The following TPST1 variants were observed in gnomAD, a reference collection of about 807,000 sequenced individuals.
TPST1 encodes tyrosylprotein sulfotransferase 1.
A neutral mutation model predicts 34.8 loss-of-function variants in TPST1; 20 were observed. That is an observed-to-expected ratio of 0.57 (90% CI 0.40 to 0.84). The LOEUF is 0.84. Ranked by LOEUF, TPST1 falls within the 40% of genes least tolerant of loss-of-function variation. The pLI is 0.00. For missense variants in TPST1, 353 were observed against 455.5 expected, an observed-to-expected ratio of 0.78 and a Z score of 2.05; for synonymous variants, 152 against 159.4, an observed-to-expected ratio of 0.95 and a Z score of 0.35.
rs144111081 is a variant in TPST1 at position 66,320,690 on chromosome 7, C to T, written c.1045-31815C>T. ...CTCGTCTCACCACAACCTCCGCCTC[C>T]CAGGTTCAAGCGATTCTCCTGCCTC... On this transcript the variant is annotated intron_variant, in intron 3 of 5. Coordinates refer to ENST00000304842, the MANE Select transcript of TPST1 (RefSeq NM_003596.4). 7.6e-3 allele frequency among the ~76,000 whole-genome samples: 1,150 copies of T among 151,990 alleles called. 18 individuals carry two copies. The highest frequency in any genetic ancestry group is 0.026 in the African/African-American group (1,082 of 41,472).
chr7:66,263,483 G>A (rs543555717), intron 2 of TPST1, among the ~76,000 whole-genome samples: 1 of 152,088 alleles, frequency 6.6e-6, no homozygotes, highest in African/African-American at 2.4e-5. Context: ...GTATGTAGAG[G>A]CTGACAAAAA....
At chr7:66,265,286 A>G (rs1047410643) in intron 2 of TPST1, among the ~76,000 whole-genome samples, 2 of 152,226 alleles carry the variant, frequency 1.3e-5, no homozygotes, top group Non-Finnish European at 2.9e-5. Flanking sequence ...GCAGTGGCTC[A>G]TGCCTGTAAT....
chr7:66,230,191 C>A (rs1413468426), intron 1 of TPST1, among the ~76,000 whole-genome samples: 8 of 152,102 alleles, frequency 5.3e-5, no homozygotes, highest in African/African-American at 1.7e-4. Context: ...CTGTCTCAAA[C>A]AAACAAACAA....
At chr7:66,229,960 G>A (rs1391280749) in intron 1 of TPST1, among the ~76,000 whole-genome samples, 3 of 152,036 alleles carry the variant, frequency 2.0e-5, no homozygotes, top group Non-Finnish European at 2.9e-5. Flanking sequence ...AGGCCGAGGC[G>A]GGCGGATCAT....
intron 2 of TPST1, among the ~76,000 whole-genome samples, chr7:66,252,051 C>T (rs1241590365): frequency 1.3e-5 from 2 of 152,002 alleles, no homozygotes; most frequent in African/African-American, 4.8e-5. Flanking sequence ...ATGCATATTC[C>T]ACTTGTTTTT....
chr7:66,254,357 CT>C (rs1382272391), intron 2 of TPST1, among the ~76,000 whole-genome samples: 5 of 151,916 alleles, frequency 3.3e-5, no homozygotes, highest in African/African-American at 1.2e-4. Context: ...TCAGTACCTT[CT>C]TTTCATTGGT....
intron 1 of TPST1, among the ~76,000 whole-genome samples, chr7:66,230,433 G>A (rs1789757203): frequency 6.6e-6 from 1 of 152,216 alleles, no homozygotes; most frequent in African/African-American, 2.4e-5. Flanking sequence ...TGCGTCTGGA[G>A]TTTGTTCCTT....
chr7:66,332,166 A>G lies in TPST1; in HGVS notation c.1045-20339A>G, dbSNP rs1389377079. Among the ~76,000 whole-genome samples, 1 of 29,176 alleles carries G rather than the reference A, an allele frequency of 3.4e-5. No homozygotes were observed. Among genetic ancestry groups the G allele is most frequent in the African/African-American group, 2.1e-4 (1 of 4,808 alleles). The allele number at this position is 29,176 out of a possible 152,430, so 19.1% of individuals were successfully genotyped here. ...CCATGGAAAGATTGTTTTTCACAAAACCGGCCCAAAGTTGGGGACTACTGC... is the reference window on the plus strand; with the variant it reads ...CCATGGAAAGATTGTTTTTCACAAAGCCGGCCCAAAGTTGGGGACTACTGC... On this transcript the variant is annotated intron_variant, in intron 3 of 5. Transcript: ENST00000304842. The surrounding 1 kb of genome is among the most constrained non-coding windows in gnomAD (Gnocchi z 4.5).
At chr7:66,298,892 GGC>G (rs1265123363) in intron 3 of TPST1, among the ~76,000 whole-genome samples, 2 of 152,088 alleles carry the variant, frequency 1.3e-5, no homozygotes, top group East Asian at 1.9e-4. Flanking sequence ...GGGAGGCTGA[GGC>G]AGGTGGATCA....
chr7:66,286,680 G>A lies in TPST1; in HGVS notation c.1015G>A (p.Asp339Asn), dbSNP rs1353727237. 1.3e-6 allele frequency: 2 copies of A among 1,582,212 alleles called. No homozygotes were observed. The highest frequency in any genetic ancestry group is 8.6e-7 in the Non-Finnish European group (1 of 1,162,644). The change falls in exon 3 of 6, where the codon GAT becomes AAT. Residue 339 changes from aspartate (D) to asparagine (N), a missense_variant. By Grantham distance (23) the Asp-to-Asn change is conservative (BLOSUM62 1). Transcript: ENST00000304842. Reference sequence around the variant, plus strand: ...CAACCCACCTAACTACGGAAAACCTGATCCCAAAATTATTGAAAACACTCG... The same window carrying A: ...CAACCCACCTAACTACGGAAAACCTAATCCCAAAATTATTGAAAACACTCG... The part of the protein sequence containing the change: ...YANPPNYGKP[D>N]PKIIENTRRV...
intron 3 of TPST1, among the ~76,000 whole-genome samples, chr7:66,328,886 C>CTCTATATA (rs757168858): frequency 1.4e-3 from 32 of 22,092 alleles, no homozygotes; most frequent in African/African-American, 2.6e-3. Context: ...CTCTCTCTCT[C>CTCTATATA]TATATATATA....
At chr7:66,306,766 G>A (rs1791431370) in intron 3 of TPST1, among the ~76,000 whole-genome samples, 1 of 152,188 alleles carries the variant, frequency 6.6e-6, no homozygotes, top group Non-Finnish European at 1.5e-5. Flanking sequence ...AGGCTGGAGT[G>A]CAGTGGCACA....
intron 3 of TPST1, among the ~76,000 whole-genome samples, chr7:66,316,032 C>T (rs551977412): frequency 1.7e-4 from 26 of 151,866 alleles, no homozygotes; most frequent in African/African-American, 6.0e-4. Flanking sequence ...ATCGCTTGAA[C>T]TCAGGATGCG....
intron 1 of TPST1, among the ~76,000 whole-genome samples, chr7:66,234,014 A>AATC (rs1789853450): frequency 6.6e-6 from 1 of 152,176 alleles, no homozygotes. Context: ...GGCATGTGCC[A>AATC]CCACGGCTAA....
intron 3 of TPST1, among the ~76,000 whole-genome samples, chr7:66,329,361 CA>C (rs1791950577): frequency 6.6e-6 from 1 of 152,058 alleles, no homozygotes; most frequent in Admixed American, 6.6e-5. Flanking sequence ...TATACCCTAA[CA>C]GAGAATTATT....
intron 2 of TPST1, among the ~76,000 whole-genome samples, chr7:66,258,343 C>A (rs1790420140): frequency 6.6e-6 from 1 of 152,188 alleles, no homozygotes; most frequent in South Asian, 2.1e-4. Flanking sequence ...TTCTAAACCA[C>A]AAGTTTTCTC....
intron 1 of TPST1, among the ~76,000 whole-genome samples, chr7:66,225,534 C>G (rs943464226): frequency 6.6e-6 from 1 of 152,094 alleles, no homozygotes; most frequent in Non-Finnish European, 1.5e-5. Context: ...ATCACTTGAA[C>G]CCAGAAAGCA....
At chr7:66,238,539 C>T (rs991431557) in intron 1 of TPST1, among the ~76,000 whole-genome samples, 1 of 152,004 alleles carries the variant, frequency 6.6e-6, no homozygotes, top group African/African-American at 2.4e-5. Flanking sequence ...TGCTCGGTAG[C>T]AGGCTGGACA....
At chr7:66,204,111 A>T (rs530316217), upstream of TPST1, among the ~76,000 whole-genome samples, 22 of 151,584 alleles carry the variant, frequency 1.5e-4, no homozygotes, top group Non-Finnish European at 2.8e-4. Context: ...CAGGAGGTGG[A>T]GGTTGCAGTG....
Sources: gnomAD v4.1 joint callset for allele counts (sites outside exome capture counted in the v4.1 genomes callset) on GRCh38, gnomAD v4.1.1 for gene constraint, Gnocchi (gnomAD v3.1) non-coding constraint, MANE v1.5 for transcripts, NCBI Gene and HGNC (gene_info 2026-07-23, HGNC 2026-07-21) for gene names.